SNTG1: variants seen among roughly 807,000 people sequenced by gnomAD.
SNTG1 encodes the protein gamma-1-syntrophin.
In SNTG1, 39 loss-of-function variants were observed where a neutral mutation model predicts 74.7. The observed-to-expected ratio is 0.52, with a 90% CI of 0.40 to 0.68. SNTG1 has a LOEUF of 0.68. SNTG1 is among the 30% of genes least tolerant of loss of function. The probability of loss-of-function intolerance (pLI) is 0.00; values close to 1 mark genes in which losing one functional copy is unlikely to be tolerated. For missense variants in SNTG1, 685 were observed against 609.5 expected (o/e 1.12, Z -1.30); for synonymous variants, 254 against 217.1 (o/e 1.17, Z -1.49).
intron 15 of SNTG1, among the ~76,000 whole-genome samples, chr8:50,679,358 G>A (rs896286190): frequency 3.3e-5 from 5 of 151,972 alleles, no homozygotes; most frequent in Admixed American, 3.3e-4. Flanking sequence ...CTTGAATTCT[G>A]GCCCAATTAA....
rs976931626 is a variant in SNTG1 at position 50,794,012 on chromosome 8, A to G, written c.*1183A>G. On this transcript the variant is annotated 3_prime_UTR_variant, in exon 19 of 19. Coordinates refer to ENST00000642720, the MANE Select transcript of SNTG1 (RefSeq NM_018967.5). ...AATTTGAAAGCCTTAGAGGTGTGCA[A>G]TTTACTCAGATTCCAGGTATTATTC... The G allele has an allele frequency of 1.3e-5, 2 of 151,822 alleles. No homozygotes were observed. The highest frequency in any genetic ancestry group is 1.3e-4 in the Admixed American group (2 of 15,198). 9.4% of individuals were successfully genotyped at this position (151,822 alleles called of 1,614,324 possible).
chr8:50,780,041 T>C (rs1296948705), intron 18 of SNTG1, among the ~76,000 whole-genome samples: 3 of 152,092 alleles, frequency 2.0e-5, no homozygotes, highest in African/African-American at 4.8e-5. Flanking sequence ...CCTTGCATCC[T>C]AGGGATGAAG....
intron 1 of SNTG1, among the ~76,000 whole-genome samples, chr8:49,947,312 G>GTAAT (rs1303002694): frequency 1.3e-5 from 2 of 152,204 alleles, no homozygotes; most frequent in Non-Finnish European, 1.5e-5. Context: ...AAAAAAAAGA[G>GTAAT]TAATTTCTGT....
At chr8:50,786,786 G>T (rs1018827078) in intron 18 of SNTG1, among the ~76,000 whole-genome samples, 22 of 151,918 alleles carry the variant, frequency 1.4e-4, no homozygotes, top group African/African-American at 5.1e-4. Context: ...ACCGGTTATT[G>T]AATCCAAAAA....
intron 1 of SNTG1, among the ~76,000 whole-genome samples, chr8:50,135,570 G>A (rs920198489): frequency 2.0e-5 from 3 of 152,002 alleles, no homozygotes; most frequent in Non-Finnish European, 4.4e-5. Context: ...GTGGATACAT[G>A]ATAATTTCTC....
At chr8:50,058,897 C>T (rs1254754849) in intron 1 of SNTG1, among the ~76,000 whole-genome samples, 2 of 152,046 alleles carry the variant, frequency 1.3e-5, no homozygotes, top group African/African-American at 4.8e-5. Flanking sequence ...CTCTCTCTTA[C>T]CCTCTCCACC....
In SNTG1 at chr8:50,074,919, C is replaced by A. The variant is rs919651961; in HGVS notation, c.-102-97642C>A. On this transcript the variant is annotated intron_variant, in intron 1 of 18. Transcript: ENST00000642720. ...GCCGCACTCGCGGCGCACGCGAGTTCGGGGTGGGCATCCTCTCCACAGACC... is the reference window on the plus strand; with the variant it reads ...GCCGCACTCGCGGCGCACGCGAGTTAGGGGTGGGCATCCTCTCCACAGACC... Among the ~76,000 whole-genome samples, 9 of 152,288 alleles carry A rather than the reference C, an allele frequency of 5.9e-5. No homozygotes were observed. In the East Asian group the frequency reaches 1.8e-3, roughly 30 times the overall value.
chr8:50,016,476 C>T (rs1000856035), intron 1 of SNTG1, among the ~76,000 whole-genome samples: 7 of 152,096 alleles, frequency 4.6e-5, no homozygotes, highest in Admixed American at 2.6e-4. Flanking sequence ...TAGATGATTG[C>T]TCTCATTTAG....
intron 2 of SNTG1, among the ~76,000 whole-genome samples, chr8:50,264,159 A>T (rs895085091): frequency 6.6e-6 from 1 of 152,196 alleles, no homozygotes; most frequent in African/African-American, 2.4e-5. Flanking sequence ...CTGCATACCA[A>T]AACTTACGGG....
At chr8:50,206,293 C>A (rs557961197) in intron 2 of SNTG1, among the ~76,000 whole-genome samples, 9 of 152,110 alleles carry the variant, frequency 5.9e-5, no homozygotes, top group Admixed American at 2.6e-4. Flanking sequence ...CATCCCTTGT[C>A]AGTTGGATTC....
At chr8:49,940,067 G>A (rs1299733898) in intron 1 of SNTG1, among the ~76,000 whole-genome samples, 1 of 152,178 alleles carries the variant, frequency 6.6e-6, no homozygotes, top group African/African-American at 2.4e-5. Flanking sequence ...ATCAGGCTTT[G>A]GTCTGTATAA....
intron 4 of SNTG1, among the ~76,000 whole-genome samples, chr8:50,430,276 A>T (rs779625769): frequency 5.3e-5 from 8 of 152,216 alleles, no homozygotes; most frequent in Non-Finnish European, 1.0e-4. Context: ...AGAAAGATAA[A>T]AACTGTGTAT....
chr8:50,029,007 A>T (rs898144795), intron 1 of SNTG1, among the ~76,000 whole-genome samples: 2 of 151,960 alleles, frequency 1.3e-5, no homozygotes. Context: ...ATAATTCTTT[A>T]TGTGTTGTAG....
At chr8:50,220,504 G>A (rs983341470) in intron 2 of SNTG1, among the ~76,000 whole-genome samples, 4 of 152,192 alleles carry the variant, frequency 2.6e-5, no homozygotes, top group African/African-American at 9.7e-5. Context: ...TGCCCATCCA[G>A]ATATATTCAT....
At chr8:50,782,615 T>C (rs2095662930) in intron 18 of SNTG1, among the ~76,000 whole-genome samples, 1 of 147,846 alleles carries the variant, frequency 6.8e-6, no homozygotes, top group Non-Finnish European at 1.5e-5. Context: ...TCTAAATTTT[T>C]TTCAAAGGTT....
intron 1 of SNTG1, among the ~76,000 whole-genome samples, chr8:50,168,174 A>G (rs1442873360): frequency 1.3e-5 from 2 of 152,016 alleles, no homozygotes; most frequent in Non-Finnish European, 2.9e-5. Context: ...CAACTTCCTG[A>G]AAAAAATCTA....
chr8:50,582,294 A>G (rs1008986696), intron 12 of SNTG1, among the ~76,000 whole-genome samples: 2 of 152,198 alleles, frequency 1.3e-5, no homozygotes, highest in Non-Finnish European at 2.9e-5. Flanking sequence ...TTGAGCACCT[A>G]CTAAGACCTA....
At chr8:50,735,552 G>A (rs2095526269) in intron 17 of SNTG1, among the ~76,000 whole-genome samples, 1 of 151,886 alleles carries the variant, frequency 6.6e-6, no homozygotes. Flanking sequence ...ATGAAATAAA[G>A]TGTGAAGACA....
intron 12 of SNTG1, among the ~76,000 whole-genome samples, chr8:50,584,634 G>C (rs538428102): frequency 4.6e-5 from 7 of 151,206 alleles, no homozygotes; most frequent in African/African-American, 1.5e-4. Flanking sequence ...CAATGCTGCT[G>C]TCACAAGCAT....
Sources: gnomAD v4.1 joint callset for allele counts (sites outside exome capture counted in the v4.1 genomes callset) on GRCh38, gnomAD v4.1.1 for gene constraint, MANE v1.5 for transcripts, NCBI Gene and HGNC (gene_info 2026-07-23, HGNC 2026-07-21) for gene names.